The following COLQ variants were observed in gnomAD, a reference collection of about 807,000 sequenced individuals.
COLQ encodes the protein collagen like tail subunit of asymmetric acetylcholinesterase.
In COLQ, 48 loss-of-function variants were observed where a neutral mutation model predicts 69.0. The ratio of observed to expected loss-of-function variants is 0.70; its 90% CI spans 0.55 to 0.88. COLQ has a LOEUF of 0.88. Ranked by LOEUF, COLQ falls within the 40% of genes least tolerant of loss-of-function variation. The probability of loss-of-function intolerance (pLI) is 0.00; values close to 1 mark genes in which losing one functional copy is unlikely to be tolerated. For synonymous variants in COLQ, 217 were observed against 211.2 expected (o/e 1.03, Z -0.24); for missense variants, 618 against 594.6 (o/e 1.04, Z -0.41).
chr3:15,490,093 A>C (rs1005789764), intron 1 of COLQ, among the ~76,000 whole-genome samples: 1 of 152,206 alleles, frequency 6.6e-6, no homozygotes, highest in South Asian at 2.1e-4. Context: ...CAGACCCATG[A>C]TTTAAAACAC....
intron 7 of COLQ, 175 bp downstream of exon 7, chr3:15,475,250 C>A: frequency 2.8e-6 from 2 of 705,094 alleles, no homozygotes; most frequent in Non-Finnish European, 4.9e-6. Flanking sequence ...CATCCCTATG[C>A]CCCTGCATCC....
At chr3:15,498,588 T>C in intron 1 of COLQ, 9 of 1,551,880 alleles carry the variant, frequency 5.8e-6, no homozygotes, top group Non-Finnish European at 7.8e-6. Flanking sequence ...AGCCCGTCAT[T>C]GTGAGGCAGG....
intron 1 of COLQ, among the ~76,000 whole-genome samples, chr3:15,518,324 T>G (rs1172954327): frequency 6.6e-6 from 1 of 152,158 alleles, no homozygotes; most frequent in East Asian, 1.9e-4. Context: ...CATCCGTCAT[T>G]GTGTCTAGCT....
At chr3:15,461,543 C>T (rs1193155722) in intron 12 of COLQ, among the ~76,000 whole-genome samples, 2 of 152,164 alleles carry the variant, frequency 1.3e-5, no homozygotes, top group Non-Finnish European at 2.9e-5. Context: ...CCCAGGCAGG[C>T]TCCCGCTTCC....
intron 1 of COLQ, among the ~76,000 whole-genome samples, chr3:15,495,520 T>C (rs906386711): frequency 2.0e-5 from 3 of 152,234 alleles, no homozygotes; most frequent in Non-Finnish European, 4.4e-5. Context: ...GTTACTTTTG[T>C]GGTTGGATGA....
At chr3:15,508,592 C>T (rs541554283) in intron 1 of COLQ, among the ~76,000 whole-genome samples, 16 of 152,176 alleles carry the variant, frequency 1.1e-4, no homozygotes, top group African/African-American at 2.4e-4. Context: ...AATCTAGAGA[C>T]GGAAAGCCAG....
chr3:15,481,592 T>C (rs2062484619), intron 3 of COLQ, among the ~76,000 whole-genome samples: 1 of 152,216 alleles, frequency 6.6e-6, no homozygotes. Flanking sequence ...TTGGTGCCAG[T>C]ACCATGCTGT....
intron 3 of COLQ, among the ~76,000 whole-genome samples, chr3:15,486,086 G>T (rs1468809376): frequency 6.6e-6 from 1 of 151,808 alleles, no homozygotes; most frequent in Admixed American, 6.6e-5. Flanking sequence ...AGTATCTTTG[G>T]TTTATTCACC....
intron 3 of COLQ, among the ~76,000 whole-genome samples, chr3:15,482,555 G>GC (rs1471924880): frequency 2.6e-5 from 4 of 152,204 alleles, no homozygotes; most frequent in African/African-American, 9.7e-5. Flanking sequence ...TCCCAGGGAT[G>GC]AAGCCCACTT....
chr3:15,468,036 A>C, intron 11 of COLQ: 1 of 449,946 alleles, frequency 2.2e-6, no homozygotes. Flanking sequence ...TGGCAAAGGA[A>C]GTCACACATC....
chr3:15,510,608 C>T (rs1052734971), intron 1 of COLQ, among the ~76,000 whole-genome samples: 14 of 151,404 alleles, frequency 9.2e-5, no homozygotes, highest in Non-Finnish European at 1.5e-4. Flanking sequence ...CTGGAAGGAG[C>T]GCTGAGGTGG....
At chr3:15,511,031 C>G (rs1042698033) in intron 1 of COLQ, among the ~76,000 whole-genome samples, 1 of 152,140 alleles carries the variant, frequency 6.6e-6, no homozygotes, top group Non-Finnish European at 1.5e-5. Flanking sequence ...GAGAAATACA[C>G]GCCAAGACCC....
chr3:15,520,851 G>T (rs2063126610), intron 1 of COLQ, among the ~76,000 whole-genome samples: 1 of 152,162 alleles, frequency 6.6e-6, no homozygotes, highest in African/African-American at 2.4e-5. Flanking sequence ...TCCAGACCTG[G>T]CTGTCACTGT....
At chr3:15,504,042 G>A (rs2062869398) in intron 1 of COLQ, among the ~76,000 whole-genome samples, 1 of 151,652 alleles carries the variant, frequency 6.6e-6, no homozygotes, top group Non-Finnish European at 1.5e-5. Context: ...TGATTATCCC[G>A]ACCACAGAGA....
At chr3:15,462,477 G>A (rs934374976) in intron 12 of COLQ, among the ~76,000 whole-genome samples, 1 of 151,732 alleles carries the variant, frequency 6.6e-6, no homozygotes, top group Non-Finnish European at 1.5e-5. Flanking sequence ...GTGGCTCAAA[G>A]GACGGAATGG....
At chr3:15,521,152 G>A (rs1261182224) in intron 1 of COLQ, among the ~76,000 whole-genome samples, 1 of 152,208 alleles carries the variant, frequency 6.6e-6, no homozygotes, top group Non-Finnish European at 1.5e-5. Flanking sequence ...AGAGGTCAGA[G>A]ATGTATTTAT....
chr3:15,495,057 A>C (rs1235258030), intron 1 of COLQ, among the ~76,000 whole-genome samples: 1 of 152,214 alleles, frequency 6.6e-6, no homozygotes, highest in African/African-American at 2.4e-5. Flanking sequence ...TAAGTGACAG[A>C]GCCAGGCAGT....
intron 3 of COLQ, among the ~76,000 whole-genome samples, 188 bp downstream of exon 3, chr3:15,488,018 G>A (rs77691933): frequency 4.5e-4 from 68 of 152,348 alleles, no homozygotes; most frequent in African/African-American, 1.6e-3. Context: ...AATCAAGGAT[G>A]GGAGGCCAGA....
intron 16 of COLQ, among the ~76,000 whole-genome samples, chr3:15,453,571 G>A (rs1037167402): frequency 2.6e-5 from 4 of 152,150 alleles, no homozygotes; most frequent in African/African-American, 7.2e-5. Context: ...CTCAGAGACC[G>A]CAGCTCCCCT....
Sources: allele counts gnomAD v4.1 joint callset (sites outside exome capture counted in the v4.1 genomes callset), GRCh38; gene constraint gnomAD v4.1.1; transcripts MANE v1.5; gene names NCBI Gene and HGNC (gene_info 2026-07-23, HGNC 2026-07-21).